NRXN1: variants seen among roughly 807,000 people sequenced by gnomAD.
NRXN1 encodes neurexin-1.
In NRXN1, 39 loss-of-function variants were observed where a neutral mutation model predicts 150.9. That is an observed-to-expected ratio of 0.26 (90% CI 0.20 to 0.34). NRXN1 has a LOEUF of 0.34. Among genes scored for constraint, NRXN1 ranks in the 10% least tolerant of loss-of-function variants. The probability of loss-of-function intolerance (pLI) is 1.00; values close to 1 mark genes in which losing one functional copy is unlikely to be tolerated. For missense variants in NRXN1, 1,815 were observed against 1,949.9 expected, an observed-to-expected ratio of 0.93 and a Z score of 1.30; for synonymous variants, 924 against 757.0, an observed-to-expected ratio of 1.22 and a Z score of -3.62.
At chr2:50,903,381 G>A (rs57590126) in intron 5 of NRXN1, among the ~76,000 whole-genome samples, 12,676 of 152,130 alleles carry the variant, frequency 0.083, 579 homozygotes, top group South Asian at 0.12. Context: ...ACATTAACAT[G>A]GTTCAAATAA....
At chr2:50,028,244 G>A (rs573494443) in intron 21 of NRXN1, among the ~76,000 whole-genome samples, 4 of 152,198 alleles carry the variant, frequency 2.6e-5, no homozygotes, top group African/African-American at 9.6e-5. Context: ...GATATACTGA[G>A]GGAGCTTTTA....
At chr2:50,477,304 G>A (rs2090068825) in intron 15 of NRXN1, among the ~76,000 whole-genome samples, 1 of 152,168 alleles carries the variant, frequency 6.6e-6, no homozygotes, top group Non-Finnish European at 1.5e-5. Context: ...AAGCAAAGCA[G>A]GCTAGGAAAC....
chr2:50,463,364 C>T (rs1270623719), intron 17 of NRXN1, among the ~76,000 whole-genome samples: 1 of 151,914 alleles, frequency 6.6e-6, no homozygotes, highest in African/African-American at 2.4e-5. Flanking sequence ...TATGTATTCT[C>T]ACCACTGAAA....
chr2:50,610,898 G>A (rs1408002343), intron 8 of NRXN1, among the ~76,000 whole-genome samples: 1 of 149,018 alleles, frequency 6.7e-6, no homozygotes, highest in African/African-American at 2.5e-5. Flanking sequence ...GTTTAAGCAA[G>A]CACGTTTCAC....
chr2:50,117,564 A>T (rs945438123), intron 18 of NRXN1, among the ~76,000 whole-genome samples: 2 of 152,182 alleles, frequency 1.3e-5, no homozygotes, highest in Non-Finnish European at 2.9e-5. Context: ...ACAAACACCA[A>T]GGTAAAGATG....
At chr2:49,972,497 T>C (rs1678128922) in intron 21 of NRXN1, among the ~76,000 whole-genome samples, 1 of 152,230 alleles carries the variant, frequency 6.6e-6, no homozygotes, top group Non-Finnish European at 1.5e-5. Context: ...TGGTAAGCCC[T>C]ATAGATGCTT....
intron 5 of NRXN1, among the ~76,000 whole-genome samples, chr2:50,777,980 T>C (rs1248003479): frequency 2.0e-5 from 3 of 152,200 alleles, no homozygotes; most frequent in African/African-American, 7.2e-5. Flanking sequence ...CTGATAATCA[T>C]GCAGCAGGTC....
intron 2 of NRXN1, among the ~76,000 whole-genome samples, chr2:50,965,167 T>C (rs1693860972): frequency 6.6e-6 from 1 of 151,292 alleles, no homozygotes; most frequent in Admixed American, 6.6e-5. Context: ...CACATATGTA[T>C]ATAGATATAC....
At chr2:50,373,669 A>AGAAG (rs1558620254) in intron 17 of NRXN1, among the ~76,000 whole-genome samples, 1 of 114,546 alleles carries the variant, frequency 8.7e-6, no homozygotes, top group Admixed American at 9.2e-5. Context: ...AAAGAAAGAA[A>AGAAG]GAAAGAAAGA....
intron 8 of NRXN1, among the ~76,000 whole-genome samples, chr2:50,561,549 C>T (rs540230907): frequency 1.3e-5 from 2 of 152,194 alleles, no homozygotes; most frequent in African/African-American, 4.8e-5. Flanking sequence ...AGTGTTCTTT[C>T]AATTTTGTGT....
rs527301306 is a variant in NRXN1, at chr2:50,942,111, A to G, written c.773-16156T>C. 2.0e-5 allele frequency among the ~76,000 whole-genome samples: 3 copies of G among 152,300 alleles called. 1 individual carries two copies. The highest frequency in any genetic ancestry group is 6.5e-5 in the Admixed American group (1 of 15,302). On this transcript the variant is annotated intron_variant, in intron 2 of 22. Transcript: ENST00000401669. ...AAGGCACAGCACAGGCCATGGCTTC[A>G]AAGGATGCAAGCCCCAAGCCTTGGC...
intron 17 of NRXN1, among the ~76,000 whole-genome samples, chr2:50,413,409 G>T (rs2083324298): frequency 6.6e-6 from 1 of 152,038 alleles, no homozygotes; most frequent in Non-Finnish European, 1.5e-5. Context: ...TGGCAAACAG[G>T]TATATGAAAA....
intron 21 of NRXN1, among the ~76,000 whole-genome samples, chr2:50,040,955 TG>T (rs1392211789): frequency 6.6e-6 from 1 of 152,180 alleles, no homozygotes; most frequent in Non-Finnish European, 1.5e-5. Context: ...CATGTTGGTG[TG>T]CTGCACCCAT....
intron 21 of NRXN1, among the ~76,000 whole-genome samples, chr2:50,039,966 A>T (rs1435446152): frequency 4.6e-5 from 7 of 152,220 alleles, no homozygotes; most frequent in Admixed American, 4.6e-4. Context: ...TATTTAACTC[A>T]TAAAAAAAGA....
At chr2:50,792,685 T>TA (rs964094027) in intron 5 of NRXN1, among the ~76,000 whole-genome samples, 12 of 152,126 alleles carry the variant, frequency 7.9e-5, no homozygotes, top group African/African-American at 2.9e-4. Flanking sequence ...ACTTTTTTTT[T>TA]ATCACAAGAG....
rs377332372 is a variant in NRXN1 at position 50,614,640 on chromosome 2, A to AAAT, written c.1320+5381_1320+5382insATT. On this transcript the variant is annotated intron_variant, in intron 8 of 22. Transcript: ENST00000401669. Reference sequence around the variant, plus strand: ...ACCCTAGAACTTAAAGTATAATAAAAATATATATATATATATATAAAATAA... The same window carrying AAAT: ...ACCCTAGAACTTAAAGTATAATAAAAAATATATATATATATATATATAAAATAA... Among the ~76,000 whole-genome samples the AAAT allele has an allele frequency of 7.6e-4, 109 of 143,318 alleles. 1 individual carries two copies. The highest frequency in any genetic ancestry group is 2.1e-3 in the African/African-American group (82 of 38,880). The allele number at this position is 143,318 out of a possible 152,430, so 94.0% of individuals were successfully genotyped here.
intron 2 of NRXN1, among the ~76,000 whole-genome samples, chr2:50,993,060 A>T (rs1698766867): frequency 6.6e-6 from 1 of 151,984 alleles, no homozygotes; most frequent in African/African-American, 2.4e-5. Context: ...AGGACATACA[A>T]AGAGTAGAAT....
chr2:50,566,162 C>T (rs979772359), intron 8 of NRXN1, among the ~76,000 whole-genome samples: 1 of 152,132 alleles, frequency 6.6e-6, no homozygotes, highest in Non-Finnish European at 1.5e-5. Flanking sequence ...GAACAAGTCC[C>T]CAGTAGACAG....
At chr2:50,702,565 T>C (rs1053591365) in intron 5 of NRXN1, among the ~76,000 whole-genome samples, 12 of 152,138 alleles carry the variant, frequency 7.9e-5, no homozygotes, top group Non-Finnish European at 1.6e-4. Flanking sequence ...TTTGAATTTA[T>C]AATGCCTTGG....
Sources: allele counts gnomAD v4.1 joint callset (sites outside exome capture counted in the v4.1 genomes callset), GRCh38; gene constraint gnomAD v4.1.1; transcripts MANE v1.5; gene names NCBI Gene and HGNC (gene_info 2026-07-23, HGNC 2026-07-21).